HECW1: variants seen among roughly 807,000 people sequenced by gnomAD.
The protein encoded by HECW1 is HECT, C2 and WW domain containing E3 ubiquitin protein ligase 1.
A neutral mutation model predicts 182.3 loss-of-function variants in HECW1; 61 were observed. The observed-to-expected ratio is 0.33, with a 90% CI of 0.27 to 0.41. HECW1 has a LOEUF of 0.41. Ranked by LOEUF, HECW1 falls within the 10% of genes least tolerant of loss-of-function variation. The pLI is 1.00. For missense variants in HECW1, 1,739 were observed against 2,108.9 expected (o/e 0.82, Z 3.44); for synonymous variants, 859 against 832.6 (o/e 1.03, Z -0.55).
chr7:43,361,815 CTTTTTTTTT>C (rs397890047), intron 6 of HECW1, among the ~76,000 whole-genome samples: 21 of 77,964 alleles, frequency 2.7e-4, no homozygotes, highest in African/African-American at 1.1e-3. Context: ...AAGACTCTCT[CTTTTTTTTT>C]TTTTTTTTTT....
chr7:43,416,472 C>T (rs1256217305), intron 8 of HECW1, among the ~76,000 whole-genome samples: 2 of 151,870 alleles, frequency 1.3e-5, no homozygotes, highest in African/African-American at 4.8e-5. Context: ...GAGGTTACTG[C>T]TGTCTTTTTG....
chr7:43,265,578 T>C (rs78071595), intron 3 of HECW1, among the ~76,000 whole-genome samples: 2,880 of 152,322 alleles, frequency 0.019, 74 homozygotes, highest in African/African-American at 0.065. Flanking sequence ...CACCTTTTGT[T>C]GTCTTTTTTC....
intron 17 of HECW1, among the ~76,000 whole-genome samples, chr7:43,487,975 A>AGAGAGC (rs1339646545): frequency 1.3e-5 from 2 of 150,410 alleles, no homozygotes; most frequent in Non-Finnish European, 3.0e-5. Flanking sequence ...AGAGAGAGAG[A>AGAGAGC]GAGAGAGAAA....
intron 15 of HECW1, among the ~76,000 whole-genome samples, 197 bp downstream of exon 15, chr7:43,466,765 G>T (rs938350419): frequency 1.3e-5 from 2 of 152,174 alleles, no homozygotes; most frequent in Non-Finnish European, 2.9e-5. Flanking sequence ...AAATGCTGTT[G>T]CCTCTTTGGG....
intron 2 of HECW1, among the ~76,000 whole-genome samples, chr7:43,189,605 A>G (rs1179948432): frequency 1.3e-5 from 2 of 151,932 alleles, no homozygotes; most frequent in Non-Finnish European, 2.9e-5. Flanking sequence ...AAAAAAAAGA[A>G]AGAGAGAAAA....
rs567533007 is a variant in HECW1, at chr7:43,157,020, C to T, written c.-32+42629C>T. Among the ~76,000 whole-genome samples, 3 of 152,310 alleles carry T rather than the reference C, an allele frequency of 2.0e-5. No individual in the cohort carries two copies. In the South Asian group the frequency reaches 6.2e-4, roughly 32 times the overall value. On this transcript the variant is annotated intron_variant, in intron 2 of 29. Transcript: ENST00000395891. ...GTTACCACAGCATAATTTAGCCTGTCCTGACTGACACATGTTCATTCGCAA... is the reference window on the plus strand; with the variant it reads ...GTTACCACAGCATAATTTAGCCTGTTCTGACTGACACATGTTCATTCGCAA...
At chr7:43,305,907 T>A (rs544395822) in intron 3 of HECW1, among the ~76,000 whole-genome samples, 4 of 152,044 alleles carry the variant, frequency 2.6e-5, no homozygotes, top group Non-Finnish European at 5.9e-5. Flanking sequence ...ATTACAGGCA[T>A]GTGCCACCAC....
At chr7:43,141,041 G>A (rs995636601) in intron 2 of HECW1, among the ~76,000 whole-genome samples, 6 of 152,118 alleles carry the variant, frequency 3.9e-5, no homozygotes, top group South Asian at 4.2e-4. Context: ...ACAGCCATGC[G>A]GTGGGTTAGG....
chr7:43,361,103 C>T, intron 6 of HECW1, 123 bp downstream of exon 6: 5 of 627,898 alleles, frequency 8.0e-6, no homozygotes, highest in Middle Eastern at 3.9e-4. Context: ...TGTACATACA[C>T]ACATATGGAG....
intron 8 of HECW1, among the ~76,000 whole-genome samples, chr7:43,437,209 C>T (rs1236865597): frequency 6.6e-6 from 1 of 152,084 alleles, no homozygotes; most frequent in African/African-American, 2.4e-5. Context: ...GCTTTTTCAC[C>T]TAGTTTCTCG....
intron 16 of HECW1, among the ~76,000 whole-genome samples, chr7:43,478,509 A>T (rs543581375): frequency 6.6e-6 from 1 of 152,346 alleles, no homozygotes; most frequent in African/African-American, 2.4e-5. Flanking sequence ...ATTAATTGTT[A>T]TACTTCCATC....
chr7:43,436,585 G>A (rs1273400073), intron 8 of HECW1, among the ~76,000 whole-genome samples: 1 of 152,114 alleles, frequency 6.6e-6, no homozygotes, highest in African/African-American at 2.4e-5. Flanking sequence ...TGCTCAGTGG[G>A]GGAGCTTCTG....
intron 5 of HECW1, among the ~76,000 whole-genome samples, chr7:43,353,171 T>C (rs922595633): frequency 5.3e-5 from 8 of 152,096 alleles, no homozygotes; most frequent in Admixed American, 6.5e-5. Flanking sequence ...ATATATATTA[T>C]TGATGCATGT....
At chr7:43,405,901 TC>T (rs1220033642) in intron 7 of HECW1, among the ~76,000 whole-genome samples, 1 of 152,206 alleles carries the variant, frequency 6.6e-6, no homozygotes, top group East Asian at 1.9e-4. Flanking sequence ...TGCTTGTACT[TC>T]CTGCCTTTTT....
chr7:43,523,542 A>C (rs1318825631), intron 24 of HECW1, among the ~76,000 whole-genome samples: 3 of 152,076 alleles, frequency 2.0e-5, no homozygotes, highest in African/African-American at 7.2e-5. Flanking sequence ...AGTCAGCCCC[A>C]GCAGGAGAAT....
intron 11 of HECW1, 140 bp downstream of exon 11, chr7:43,445,710 A>G: frequency 3.0e-6 from 3 of 990,724 alleles, no homozygotes; most frequent in Non-Finnish European, 4.4e-6. Context: ...TTGTATATAC[A>G]TGTGTGCATG....
chr7:43,331,121 GCTATCCCT>G (rs1264859517), intron 5 of HECW1, among the ~76,000 whole-genome samples: 1 of 152,000 alleles, frequency 6.6e-6, no homozygotes, highest in Non-Finnish European at 1.5e-5. Flanking sequence ...ATCTCCTGAT[GCTATCCCT>G]CCCCACTCCC....
intron 3 of HECW1, among the ~76,000 whole-genome samples, chr7:43,264,761 G>A (rs775336215): frequency 6.6e-6 from 1 of 150,738 alleles, no homozygotes; most frequent in African/African-American, 2.4e-5. Context: ...GGAGAATGGC[G>A]TGAACCCAGG....
intron 2 of HECW1, among the ~76,000 whole-genome samples, chr7:43,193,800 G>T (rs1326501334): frequency 2.0e-5 from 3 of 152,130 alleles, no homozygotes; most frequent in African/African-American, 7.2e-5. Context: ...GCTACAGGTT[G>T]ACATTCCTGG....
Sources: gnomAD v4.1 joint callset for allele counts (sites outside exome capture counted in the v4.1 genomes callset) on GRCh38, gnomAD v4.1.1 for gene constraint, MANE v1.5 for transcripts, NCBI Gene and HGNC (gene_info 2026-07-23, HGNC 2026-07-21) for gene names.